Variants in PSPC1 observed in about 807,000 individuals in gnomAD.
PSPC1 encodes paraspeckle component 1, also known as paraspeckle protein 1.
A neutral mutation model predicts 51.6 loss-of-function variants in PSPC1; 14 were observed. The ratio of observed to expected loss-of-function variants is 0.27; its 90% confidence interval spans 0.18 to 0.42. The LOEUF is 0.42. Ranked by LOEUF, PSPC1 falls within the 10% of genes least tolerant of loss-of-function variation. The pLI is 1.00. For synonymous variants in PSPC1, 193 were observed against 231.9 expected (o/e 0.83, Z 1.53); for missense variants, 406 against 701.1 (o/e 0.58, Z 4.75).
At chr13:19,776,103 G>C (rs530541513) in intron 1 of PSPC1, among the ~76,000 whole-genome samples, 2 of 152,138 alleles carry the variant, frequency 1.3e-5, no homozygotes, top group African/African-American at 4.8e-5. Context: ...GACATTTAAT[G>C]GGGTGATAAT....
chr13:19,759,297 CAAA>C (rs772578026), intron 3 of PSPC1, 23 bp downstream of exon 3: 1 of 1,546,314 alleles, frequency 6.5e-7, no homozygotes, highest in East Asian at 2.2e-5. Context: ...AGTACAGACA[CAAA>C]TTATCTATTA....
intron 4 of PSPC1, among the ~76,000 whole-genome samples, chr13:19,744,467 T>C (rs1328732748): frequency 6.6e-6 from 1 of 152,228 alleles, no homozygotes; most frequent in Admixed American, 6.5e-5. Flanking sequence ...AAGTTCCTGA[T>C]ATTTCACTAA....
Position 19,730,300 on chromosome 13 carries a change from T to C in PSPC1, c.1097A>G (p.His366Arg). Residue 366 changes from histidine to arginine, a missense_variant, in exon 6 of 9, where the codon CAC (histidine) becomes CGC (arginine). Transcript: ENST00000338910. ...HRRREEEMIR[H>R]REQEELRRQQ... The stretch of plus-strand genomic sequence containing the variant: ...TCGCCTCAGTTCCTCCTGTTCTCTG[T>C]GTCGGATCATTTCTTCCTCACGCCG... The C allele has an allele frequency of 6.2e-7, 1 of 1,614,202 alleles. No homozygotes were observed. The highest frequency in any genetic ancestry group is 8.5e-7 in the Non-Finnish European group (1 of 1,180,018).
intron 3 of PSPC1, among the ~76,000 whole-genome samples, chr13:19,753,146 G>C (rs1335777428): frequency 3.3e-5 from 5 of 151,938 alleles, no homozygotes; most frequent in Non-Finnish European, 4.4e-5. Context: ...AGCCAGGCGT[G>C]GTGGCGGGTG....
At chr13:19,689,153 G>A (rs1878272304) in intron 6 of PSPC1, among the ~76,000 whole-genome samples, 1 of 152,184 alleles carries the variant, frequency 6.6e-6, no homozygotes, top group South Asian at 2.1e-4. Context: ...ATCCAACCCA[G>A]AGAAGCACTG....
intron 6 of PSPC1, among the ~76,000 whole-genome samples, chr13:19,714,102 A>G (rs1345656961): frequency 6.6e-6 from 1 of 152,240 alleles, no homozygotes; most frequent in Non-Finnish European, 1.5e-5. Context: ...ATTTTATTAA[A>G]TCTCTATCCA....
At chr13:19,776,589 G>A (rs1889149895) in intron 1 of PSPC1, among the ~76,000 whole-genome samples, 1 of 151,644 alleles carries the variant, frequency 6.6e-6, no homozygotes, top group South Asian at 2.1e-4. Flanking sequence ...CTCACTGCAA[G>A]CTCCGCCTCC....
At chr13:19,751,205 T>C (rs1294969687) in intron 4 of PSPC1, 66 bp downstream of exon 4, 1 of 1,316,722 alleles carries the variant, frequency 7.6e-7, no homozygotes, top group Non-Finnish European at 1.0e-6. Context: ...CAGTAGTACA[T>C]GAATGGTACA....
intron 1 of PSPC1, among the ~76,000 whole-genome samples, chr13:19,777,658 TAC>T (rs202035567): frequency 0.02 from 3,105 of 151,986 alleles, 47 homozygotes; most frequent in Non-Finnish European, 0.031. Flanking sequence ...CCCTAAAAAA[TAC>T]AGTCTCACCA....
intron 1 of PSPC1, among the ~76,000 whole-genome samples, chr13:19,775,766 T>C (rs1020571736): frequency 2.0e-5 from 3 of 151,990 alleles, no homozygotes; most frequent in African/African-American, 7.2e-5. Flanking sequence ...AAAGTGAGAA[T>C]AGGGCTGGGC....
At chr13:19,730,382 A>C in intron 5 of PSPC1, 38 bp from the exon 6 acceptor site, 4 of 1,545,430 alleles carry the variant, frequency 2.6e-6, no homozygotes, top group Non-Finnish European at 3.6e-6. Context: ...GCATCATAAC[A>C]TGTGGGCTGC....
At position 19,715,846 on chromosome 13, in the gene PSPC1, T is replaced by G. The variant is rs1032516383; in HGVS notation, c.1159-6247A>C. The stretch of plus-strand genomic sequence containing the variant: ...AGCTAACACGGTGAAACCCCGTCTC[T>G]ACTAAAAATACAAAAAAATTAGCTG... On this transcript the variant is annotated intron_variant, in intron 6 of 8. Coordinates refer to ENST00000338910, the MANE Select transcript of PSPC1 (RefSeq NM_001354909.2). Among the ~76,000 whole-genome samples the G allele has an allele frequency of 3.2e-4, 49 of 152,110 alleles. 1 individual carries two copies. Among genetic ancestry groups the G allele is most frequent in the African/African-American group, 1.1e-3 (46 of 41,518 alleles).
intron 1 of PSPC1, among the ~76,000 whole-genome samples, chr13:19,781,309 G>C (rs1326201121): frequency 6.6e-6 from 1 of 151,938 alleles, no homozygotes; most frequent in Non-Finnish European, 1.5e-5. Context: ...GCACCACCAC[G>C]CCCAGCTAAT....
intron 2 of PSPC1, among the ~76,000 whole-genome samples, chr13:19,766,820 G>A (rs1337446267): frequency 6.6e-6 from 1 of 150,826 alleles, no homozygotes; most frequent in Non-Finnish European, 1.5e-5. Context: ...ATGCCACTGC[G>A]CTCCAGCCTG....
chr13:19,684,118 C>T (rs1877587933), intron 6 of PSPC1, among the ~76,000 whole-genome samples: 1 of 152,198 alleles, frequency 6.6e-6, no homozygotes, highest in Non-Finnish European at 1.5e-5. Context: ...AGACATGTCA[C>T]TGAAAATTTT....
At chr13:19,718,851 A>G (rs1486326499) in intron 6 of PSPC1, among the ~76,000 whole-genome samples, 2 of 152,286 alleles carry the variant, frequency 1.3e-5, no homozygotes, top group African/African-American at 4.8e-5. Flanking sequence ...GCACATTGCC[A>G]GGTGACTAGA....
chr13:19,745,060 G>A (rs1268663074), intron 4 of PSPC1, among the ~76,000 whole-genome samples: 4 of 152,242 alleles, frequency 2.6e-5, no homozygotes, highest in Admixed American at 6.5e-5. Context: ...GCCTCCGAAA[G>A]TAATCCCAGC....
chr13:19,671,963 T>C (rs1350215618), downstream of PSPC1: 2 of 1,367,386 alleles, frequency 1.5e-6, no homozygotes, highest in Middle Eastern at 1.8e-4. Context: ...AGCACATCTA[T>C]GTAAAGTTTT....
At chr13:19,770,879 AGAGT>A (rs1275587798) in intron 2 of PSPC1, among the ~76,000 whole-genome samples, 2 of 151,728 alleles carry the variant, frequency 1.3e-5, no homozygotes, top group African/African-American at 2.4e-5. Context: ...CCTGGGCGAC[AGAGT>A]GAGACTCGTC....
Sources: gnomAD v4.1 joint callset for allele counts (sites outside exome capture counted in the v4.1 genomes callset) on GRCh38, gnomAD v4.1.1 for gene constraint, MANE v1.5 for transcripts, NCBI Gene and HGNC (gene_info 2026-07-23, HGNC 2026-07-21) for gene names.